The following DGCR8 variants were observed in gnomAD, a reference collection of about 807,000 sequenced individuals.
The protein encoded by DGCR8 is microprocessor complex subunit DGCR8.
In DGCR8, 14 loss-of-function variants were observed where a neutral mutation model predicts 78.5. That is an observed-to-expected ratio of 0.18 (90% CI 0.12 to 0.28). DGCR8 has a LOEUF of 0.28. Ranked by LOEUF, DGCR8 falls within the 10% of genes least tolerant of loss-of-function variation. The probability of loss-of-function intolerance (pLI) is 1.00; values close to 1 mark genes in which losing one functional copy is unlikely to be tolerated. For missense variants in DGCR8, 702 were observed against 1,022.5 expected (o/e 0.69, Z 4.28); for synonymous variants, 399 against 402.4 (o/e 0.99, Z 0.10).
Position 20,086,907 on chromosome 22 carries a change from C to T in DGCR8, c.720+224C>T, listed in dbSNP as rs143409583. Reference sequence around the variant, plus strand: ...TTGGCCCATGGGTAGGCCCTGCATCCCTGATCTAGCGCGTGGGGCAGCAGG... The same window carrying T: ...TTGGCCCATGGGTAGGCCCTGCATCTCTGATCTAGCGCGTGGGGCAGCAGG... On this transcript the variant is annotated intron_variant, in intron 2 of 13. Transcript: ENST00000351989. The surrounding 1 kb of genome is among the most constrained non-coding windows in gnomAD (Gnocchi z 6.4). The T allele has an allele frequency of 1.4e-6, 1 of 737,222 alleles. No individual in the cohort carries two copies. Among genetic ancestry groups the T allele is most frequent in the Non-Finnish European group, 2.1e-6 (1 of 468,350 alleles). 45.7% of individuals were successfully genotyped at this position (737,222 alleles called of 1,614,324 possible).
intron 6 of DGCR8, 51 bp from the exon 7 acceptor site, chr22:20,091,818 C>G (rs2049566686): frequency 5.8e-6 from 9 of 1,560,358 alleles, no homozygotes; most frequent in Non-Finnish European, 7.9e-6. Context: ...AAGCTGTGTG[C>G]TAGCTTGTGG....
chr22:20,106,305 G>T, intron 10 of DGCR8, 28 bp downstream of exon 10: 2 of 1,539,810 alleles, frequency 1.3e-6, no homozygotes, highest in South Asian at 2.2e-5. Flanking sequence ...CTCCCCCCAT[G>T]AGTCAGGTCG....
At chr22:20,092,522 T>C (rs2049577688) in intron 7 of DGCR8, among the ~76,000 whole-genome samples, 2 of 152,210 alleles carry the variant, frequency 1.3e-5, no homozygotes, top group Non-Finnish European at 2.9e-5. Context: ...TTCGTAGACC[T>C]TGGTCCCTGT....
At chr22:20,103,741 A>T (rs1318526952) in intron 9 of DGCR8, among the ~76,000 whole-genome samples, 14 of 152,180 alleles carry the variant, frequency 9.2e-5, no homozygotes, top group Admixed American at 9.2e-4. Flanking sequence ...TTTCTTCCTT[A>T]AAATTTGGGC....
In DGCR8 at chr22:20,111,705, C is replaced by T. The variant is rs1173324392; in HGVS notation, c.*1597C>T. On this transcript the variant is annotated 3_prime_UTR_variant, in exon 14 of 14. Coordinates refer to ENST00000351989, the MANE Select transcript of DGCR8 (RefSeq NM_022720.7). ...CTGCCATACTCTTGTGGTCTCTGTG[C>T]GCCCCCCCCCCCCCCCCACCCGTCT... 1.8e-4 allele frequency: 8 copies of T among 44,798 alleles called. No individual in the cohort carries two copies. Among genetic ancestry groups the T allele is most frequent in the East Asian group, 4.3e-4 (2 of 4,618 alleles). 2.8% of individuals were successfully genotyped at this position (44,798 alleles called of 1,614,324 possible). A position where few individuals can be genotyped will look rare whatever the true frequency, so the allele number is the denominator to read the frequency against.
At chr22:20,105,056 G>A (rs2049753748) in intron 9 of DGCR8, among the ~76,000 whole-genome samples, 1 of 152,262 alleles carries the variant, frequency 6.6e-6, no homozygotes, top group Admixed American at 6.5e-5. Context: ...TGGCTGATGG[G>A]TAATCTCCAG....
chr22:20,086,802 C>T lies in DGCR8; in HGVS notation c.720+119C>T. The T allele has an allele frequency of 8.7e-7, 1 of 1,147,190 alleles. No individual in the cohort carries two copies. The allele number at this position is 1,147,190 out of a possible 1,614,324, so 71.1% of individuals were successfully genotyped here. Reference sequence around the variant, plus strand: ...AAAAAAAAAACAAAAACCAAAATCCCCTCTGAGGTGGAATAATGTTAATGT... The same window carrying T: ...AAAAAAAAAACAAAAACCAAAATCCTCTCTGAGGTGGAATAATGTTAATGT... On this transcript the variant is annotated intron_variant, in intron 2 of 13. Coordinates refer to ENST00000351989, the MANE Select transcript of DGCR8 (RefSeq NM_022720.7). The surrounding 1 kb of genome is among the most constrained non-coding windows in gnomAD (Gnocchi z 6.4).
intron 13 of DGCR8, 91 bp from the exon 14 acceptor site, chr22:20,109,934 T>C (rs1257403946): frequency 3.1e-6 from 4 of 1,286,258 alleles, no homozygotes; most frequent in Admixed American, 1.8e-5. Flanking sequence ...CCTCCTGGCA[T>C]GATCTGCTGG....
intron 1 of DGCR8, among the ~76,000 whole-genome samples, chr22:20,081,119 G>T (rs1411894409): frequency 1.3e-5 from 2 of 152,208 alleles, no homozygotes; most frequent in South Asian, 2.1e-4. Flanking sequence ...TGGCCAGCCC[G>T]GGGTACCCAG....
chr22:20,080,587 C>T (rs2049406490), intron 1 of DGCR8: 1 of 726,932 alleles, frequency 1.4e-6, no homozygotes, highest in African/African-American at 1.9e-5. Context: ...GGGGCGGGCC[C>T]CGGGCCCAGG....
At chr22:20,101,378 C>G (rs544155824) in intron 9 of DGCR8, 1 of 799,662 alleles carries the variant, frequency 1.3e-6, no homozygotes, top group South Asian at 5.7e-5. Flanking sequence ...ACATCGAGAC[C>G]ATCCTGGCTA....
At chr22:20,100,326 A>G (rs1417586259) in intron 9 of DGCR8, 6 of 981,556 alleles carry the variant, frequency 6.1e-6, no homozygotes, top group South Asian at 4.7e-5. Flanking sequence ...TGGCCTCCCA[A>G]AGTGCTGGGA....
chr22:20,085,700 G>A lies in DGCR8; in HGVS notation c.-264G>A. The A allele has an allele frequency of 7.7e-7, 1 of 1,295,624 alleles. No individual in the cohort carries two copies. Among genetic ancestry groups the A allele is most frequent in the Non-Finnish European group, 9.8e-7 (1 of 1,025,398 alleles). The allele number at this position is 1,295,624 out of a possible 1,614,324, so 80.3% of individuals were successfully genotyped here. A position where few individuals can be genotyped will look rare whatever the true frequency, so the allele number is the denominator to read the frequency against. ...ATTTCTTTGCAGGTAGAAGAAGAAA[G>A]GTGCCACTCCGGCATGAAGACAGAC... On this transcript the variant is annotated 5_prime_UTR_variant, in exon 2 of 14. Transcript: ENST00000351989. This position sits in a 1 kb window ranked among gnomAD's most constrained non-coding sequence, Gnocchi z 6.2.
Position 20,110,239 on chromosome 22 carries a change from G to A in DGCR8, c.*131G>A. 1.2e-6 allele frequency: 1 copy of A among 869,084 alleles called. No homozygotes were observed. Among genetic ancestry groups the A allele is most frequent in the South Asian group, 1.6e-5 (1 of 62,778 alleles). The allele number at this position is 869,084 out of a possible 1,614,324, so 53.8% of individuals were successfully genotyped here. On this transcript the variant is annotated 3_prime_UTR_variant, in exon 14 of 14. Transcript: ENST00000351989. The stretch of plus-strand genomic sequence containing the variant: ...TCCCTGTGGCCAACCTGTGGGCCCG[G>A]CCTTAGGGTGGAGGCTTTAGTGTAC...
intron 9 of DGCR8, among the ~76,000 whole-genome samples, chr22:20,095,326 G>A (rs1274793049): frequency 3.9e-5 from 6 of 152,102 alleles, no homozygotes; most frequent in Non-Finnish European, 5.9e-5. Context: ...GGCTGGTCTC[G>A]AACTCCTGAC....
intron 1 of DGCR8, 93 bp downstream of exon 1, chr22:20,080,476 A>G (rs2049404681): frequency 2.0e-6 from 2 of 982,744 alleles, no homozygotes; most frequent in Admixed American, 1.2e-4. Context: ...TCCCTCCGGG[A>G]CCGAGGCCGC....
chr22:20,102,113 A>G (rs1287752332), intron 9 of DGCR8: 8 of 966,348 alleles, frequency 8.3e-6, no homozygotes, highest in Admixed American at 6.2e-5. Flanking sequence ...TAAAATTTAC[A>G]TAGAGTTAAA....
chr22:20,086,422 C>T lies in DGCR8; in HGVS notation c.459C>T (p.Ser153=). The change falls in exon 2 of 14, where the codon AGC becomes AGT. Residue 153 remains serine (S), a synonymous_variant. Transcript: ENST00000351989. This position sits in a 1 kb window ranked among gnomAD's most constrained non-coding sequence, Gnocchi z 6.4. ...DVRAECGLLL[S]PVSGDVHACP... ...GGGCGGAGTGCGGTCTGCTCCTTAG[C>T]CCTGTCAGTGGGGACGTGCATGCTT... 1.2e-6 allele frequency: 2 copies of T among 1,613,878 alleles called. No individual in the cohort carries two copies. The highest frequency in any genetic ancestry group is 1.7e-6 in the Non-Finnish European group (2 of 1,180,012).
intron 9 of DGCR8, 51 bp from the exon 10 acceptor site, chr22:20,106,126 A>G (rs779888428): frequency 6.6e-7 from 1 of 1,512,886 alleles, no homozygotes; most frequent in African/African-American, 1.4e-5. Context: ...CCAGCCATGA[A>G]GAGGCCGGTG....
Sources: allele counts gnomAD v4.1 joint callset (sites outside exome capture counted in the v4.1 genomes callset), GRCh38; gene constraint gnomAD v4.1.1; non-coding constraint Gnocchi (gnomAD v3.1); transcripts MANE v1.5; gene names NCBI Gene and HGNC (gene_info 2026-07-23, HGNC 2026-07-21).